ANOS1: variants seen among roughly 807,000 people sequenced by gnomAD.
ANOS1 encodes anosmin-1.
ANOS1 carries 6 observed loss-of-function variants against 59.0 expected under a neutral mutation model. The observed-to-expected ratio is 0.10, with a 90% confidence interval of 0.06 to 0.20. The LOEUF (loss-of-function observed/expected upper bound fraction) is 0.20. ANOS1 is among the 10% of genes least tolerant of loss of function. The pLI, the probability that ANOS1 is intolerant of heterozygous loss-of-function variation, is 1.00. For missense variants in ANOS1, 433 were observed against 542.3 expected (o/e 0.80, Z 2.00); for synonymous variants, 217 against 223.4 (o/e 0.97, Z 0.25).
rs1022066901 is a variant in ANOS1, at chrX:8,597,798, A to G, written c.319-542T>C. ...GCAATCCTCCTGCCTCAGCCTCCCA[A>G]GTAACTAGAACTACAGACACACACC... On this transcript the variant is annotated intron_variant, in intron 3 of 13. Transcript: ENST00000262648. 1.1e-4 allele frequency among the ~76,000 whole-genome samples: 12 copies of G among 106,709 alleles called. 1 individual carries two copies. Among genetic ancestry groups the G allele is most frequent in the Admixed American group, 1.0e-4 (1 of 9,742 alleles). 92.7% of individuals were successfully genotyped at this position (106,709 alleles called of 115,157 possible). A position where few individuals can be genotyped will look rare whatever the true frequency, so the allele number is the denominator to read the frequency against.
At chrX:8,711,727 G>A (rs1932813955) in intron 1 of ANOS1, among the ~76,000 whole-genome samples, 1 of 112,635 alleles carries the variant, frequency 8.9e-6, no homozygotes, top group Non-Finnish European at 1.9e-5. Flanking sequence ...ATTAGCCATG[G>A]AGAAGTCAGA....
At chrX:8,577,584 G>A (rs1320161837) in intron 6 of ANOS1, among the ~76,000 whole-genome samples, 2 of 112,494 alleles carry the variant, frequency 1.8e-5, no homozygotes, top group Admixed American at 9.4e-5. Flanking sequence ...TATTTAGCAT[G>A]TATACCCAAT....
intron 10 of ANOS1, among the ~76,000 whole-genome samples, chrX:8,537,544 C>A (rs1929615681): frequency 9.0e-6 from 1 of 111,351 alleles, no homozygotes; most frequent in Non-Finnish European, 1.9e-5. Context: ...ATCTCTGTTT[C>A]TTTCATATTT....
chrX:8,654,667 C>T (rs1391870313), intron 2 of ANOS1, among the ~76,000 whole-genome samples: 1 of 111,718 alleles, frequency 9.0e-6, no homozygotes, highest in African/African-American at 3.3e-5. Context: ...GACTACGGCT[C>T]TCAGTACGGT....
chrX:8,548,561 C>CA (rs1039385839), intron 9 of ANOS1, among the ~76,000 whole-genome samples: 3 of 111,837 alleles, frequency 2.7e-5, no homozygotes, highest in African/African-American at 6.5e-5. Flanking sequence ...GCATGGTCTA[C>CA]AAAAAAATCC....
At chrX:8,685,345 T>A (rs184483198) in intron 2 of ANOS1, among the ~76,000 whole-genome samples, 320 of 109,288 alleles carry the variant, frequency 2.9e-3, no homozygotes, top group Middle Eastern at 4.7e-3. Context: ...TCTCTGTGCT[T>A]AAAATTTTCA....
At chrX:8,559,676 A>G (rs1001001484) in intron 8 of ANOS1, among the ~76,000 whole-genome samples, 25 of 111,154 alleles carry the variant, frequency 2.2e-4, no homozygotes, top group African/African-American at 8.2e-4. Context: ...TTTTCTTTGT[A>G]TCTATAATTC....
At chrX:8,696,717 G>A (rs1932689715) in intron 2 of ANOS1, among the ~76,000 whole-genome samples, 1 of 112,550 alleles carries the variant, frequency 8.9e-6, no homozygotes. Flanking sequence ...CTTGCTGTGG[G>A]AGGGCTTTTC....
intron 2 of ANOS1, among the ~76,000 whole-genome samples, chrX:8,694,708 G>A (rs1932657715): frequency 9.0e-6 from 1 of 111,241 alleles, no homozygotes; most frequent in African/African-American, 3.3e-5. Context: ...TGTTAAGATT[G>A]GACCAACTTA....
chrX:8,596,782 T>C (rs777591238), intron 4 of ANOS1, among the ~76,000 whole-genome samples: 224 of 112,278 alleles, frequency 2.0e-3, no homozygotes, highest in African/African-American at 7.0e-3. Context: ...TCCTGAATTG[T>C]TGCTGTCCAT....
At chrX:8,670,581 T>A (rs1932238837) in intron 2 of ANOS1, among the ~76,000 whole-genome samples, 1 of 111,116 alleles carries the variant, frequency 9.0e-6, no homozygotes, top group African/African-American at 3.3e-5. Context: ...CCTGGAAGAA[T>A]CCCAGCAACA....
chrX:8,666,018 A>G (rs1019058288), intron 2 of ANOS1, among the ~76,000 whole-genome samples: 1 of 110,052 alleles, frequency 9.1e-6, no homozygotes, highest in Non-Finnish European at 1.9e-5. Flanking sequence ...CCTGGGAGAC[A>G]TAGCAAGATC....
chrX:8,695,254 G>T (rs1048213626), intron 2 of ANOS1, among the ~76,000 whole-genome samples: 39 of 112,167 alleles, frequency 3.5e-4, no homozygotes, highest in African/African-American at 1.2e-3. Context: ...GGAGGTTGCA[G>T]TGAGCAGAGA....
intron 3 of ANOS1, among the ~76,000 whole-genome samples, chrX:8,607,788 T>C (rs946614862): frequency 2.8e-5 from 3 of 105,714 alleles, no homozygotes; most frequent in African/African-American, 1.0e-4. Context: ...AGGAATTTAA[T>C]GGTGAACAGG....
chrX:8,642,454 A>G (rs2041061), intron 2 of ANOS1, among the ~76,000 whole-genome samples: 22,612 of 110,205 alleles, frequency 0.21, 3,376 homozygotes, highest in African/African-American at 0.52. Flanking sequence ...GATAATTGCA[A>G]GACTATAAAT....
At chrX:8,596,271 T>C (rs1316723065) in intron 4 of ANOS1, among the ~76,000 whole-genome samples, 2 of 110,507 alleles carry the variant, frequency 1.8e-5, no homozygotes, top group African/African-American at 3.3e-5. Context: ...GCCAAAAAGG[T>C]TGGGGACTGC....
At chrX:8,695,511 C>T (rs778973327) in intron 2 of ANOS1, among the ~76,000 whole-genome samples, 5 of 110,929 alleles carry the variant, frequency 4.5e-5, no homozygotes, top group Non-Finnish European at 7.6e-5. Flanking sequence ...TCTATTTCTC[C>T]GGGAATCTAC....
chrX:8,672,191 G>T (rs1012329726), intron 2 of ANOS1, among the ~76,000 whole-genome samples: 3 of 107,640 alleles, frequency 2.8e-5, no homozygotes, highest in Non-Finnish European at 5.8e-5. Context: ...CACACACACA[G>T]ACACAAACAC....
intron 2 of ANOS1, among the ~76,000 whole-genome samples, chrX:8,674,326 T>TA (rs1482511209): frequency 3.6e-5 from 4 of 111,834 alleles, no homozygotes; most frequent in Non-Finnish European, 7.5e-5. Flanking sequence ...TAGAAATGGG[T>TA]AAAAAAATGC....
Sources: gnomAD v4.1 joint callset for allele counts (sites outside exome capture counted in the v4.1 genomes callset) on GRCh38, gnomAD v4.1.1 for gene constraint, MANE v1.5 for transcripts, NCBI Gene and HGNC (gene_info 2026-07-23, HGNC 2026-07-21) for gene names.